Variants in SBF2 observed in about 807,000 individuals in gnomAD.
SBF2 encodes the protein SET binding factor 2, also known as myotubularin-related protein 13.
Under a neutral mutation model 225.2 loss-of-function variants are expected in SBF2, and 112 were observed. That is an observed-to-expected ratio of 0.50 (90% CI 0.43 to 0.58). The LOEUF (loss-of-function observed/expected upper bound fraction) is 0.58. Ranked by LOEUF, SBF2 falls within the 20% of genes least tolerant of loss-of-function variation. The pLI, the probability that SBF2 is intolerant of heterozygous loss-of-function variation, is 0.00. For missense variants in SBF2, 1,996 were observed against 2,206.2 expected, an observed-to-expected ratio of 0.90 and a Z score of 1.91; for synonymous variants, 763 against 773.3, an observed-to-expected ratio of 0.99 and a Z score of 0.22.
intron 30 of SBF2, 38 bp downstream of exon 30, chr11:9,812,494 C>CT (rs886514347): frequency 6.2e-7 from 1 of 1,610,746 alleles, no homozygotes; most frequent in African/African-American, 1.3e-5. Context: ...GCCTCTGTTT[C>CT]TTTGAGTTAT....
At chr11:10,182,672 G>T (rs1956782154) in intron 2 of SBF2, among the ~76,000 whole-genome samples, 1 of 152,048 alleles carries the variant, frequency 6.6e-6, no homozygotes, top group Admixed American at 6.6e-5. Flanking sequence ...TCCCACCTCA[G>T]CCTCCCAAGT....
At chr11:10,105,673 C>T (rs1204613699) in intron 2 of SBF2, among the ~76,000 whole-genome samples, 1 of 152,182 alleles carries the variant, frequency 6.6e-6, no homozygotes, top group Non-Finnish European at 1.5e-5. Context: ...ATGTCAAACA[C>T]TTGCTCTCTT....
intron 9 of SBF2, among the ~76,000 whole-genome samples, chr11:9,997,553 C>A (rs995331764): frequency 2.0e-5 from 3 of 152,198 alleles, no homozygotes; most frequent in African/African-American, 7.2e-5. Flanking sequence ...CCAAAGCGGG[C>A]AGATCACGAG....
chr11:10,078,165 T>C (rs1042871031), intron 2 of SBF2, among the ~76,000 whole-genome samples: 2 of 152,094 alleles, frequency 1.3e-5, no homozygotes, highest in Admixed American at 6.5e-5. Context: ...TATGGAGAAA[T>C]AGAAACGCTT....
At chr11:10,204,240 C>CAA (rs200904886) in intron 1 of SBF2, among the ~76,000 whole-genome samples, 16 of 90,978 alleles carry the variant, frequency 1.8e-4, no homozygotes, top group African/African-American at 4.7e-4. Flanking sequence ...ATACTGAAAG[C>CAA]AAAAAAAAAA....
At chr11:9,791,841 G>A (rs181925768) in intron 33 of SBF2, among the ~76,000 whole-genome samples, 61 of 152,340 alleles carry the variant, frequency 4.0e-4, no homozygotes, top group African/African-American at 1.2e-3. Flanking sequence ...TAGACAGAAA[G>A]AGAATGAGCT....
chr11:10,298,615 G>A (rs61889847), upstream of SBF2, among the ~76,000 whole-genome samples: 15,186 of 152,176 alleles, frequency 0.1, 912 homozygotes, highest in Non-Finnish European at 0.11. Context: ...TCTTCAGATC[G>A]TCTCTACCAA....
In SBF2 at chr11:10,209,180, C is replaced by T. The variant is rs534117808; in HGVS notation, c.56-15193G>A. Among the ~76,000 whole-genome samples, 19 of 152,222 alleles carry T rather than the reference C, an allele frequency of 1.2e-4. No homozygotes were observed. The South Asian group carries it at 3.7e-3, about 30-fold the overall frequency. The stretch of plus-strand genomic sequence containing the variant: ...GGAGAAGTTACAAAAATCCTTAGTT[C>T]TCCAGCAACCTGTGCCTTCAAAATC... On this transcript the variant is annotated intron_variant, in intron 1 of 39. Coordinates refer to ENST00000256190, the MANE Select transcript of SBF2 (RefSeq NM_030962.4).
intron 2 of SBF2, among the ~76,000 whole-genome samples, chr11:10,163,401 G>T (rs1955833900): frequency 6.6e-6 from 1 of 152,142 alleles, no homozygotes; most frequent in African/African-American, 2.4e-5. Flanking sequence ...TCCTAGAACT[G>T]CTCCTAATGA....
intron 2 of SBF2, among the ~76,000 whole-genome samples, chr11:10,175,578 C>T (rs1956427513): frequency 6.6e-6 from 1 of 151,454 alleles, no homozygotes; most frequent in African/African-American, 2.4e-5. Context: ...CTTTAACACC[C>T]CACTGTCAAC....
At chr11:10,149,181 C>G (rs1955040733) in intron 2 of SBF2, 1 of 152,398 alleles carries the variant, frequency 6.6e-6, no homozygotes, top group African/African-American at 2.4e-5. Flanking sequence ...AATGTCTCAT[C>G]TCTCTGTTAA....
At chr11:10,046,963 A>G (rs12803421) in intron 2 of SBF2, among the ~76,000 whole-genome samples, 1 of 152,008 alleles carries the variant, frequency 6.6e-6, no homozygotes, top group Non-Finnish European at 1.5e-5. Context: ...ACAAAAATCA[A>G]CCACTTTTCC....
chr11:10,228,471 C>G (rs1342538323), intron 1 of SBF2, among the ~76,000 whole-genome samples: 1 of 152,148 alleles, frequency 6.6e-6, no homozygotes, highest in African/African-American at 2.4e-5. Flanking sequence ...TCATAGATAG[C>G]TCTTATTATT....
At chr11:10,223,540 C>G (rs1024881598) in intron 1 of SBF2, among the ~76,000 whole-genome samples, 1 of 150,274 alleles carries the variant, frequency 6.7e-6, no homozygotes, top group Non-Finnish European at 1.5e-5. Context: ...TTTATCAATA[C>G]TGAAAGTTTA....
At chr11:10,273,186 T>C (rs964576356) in intron 1 of SBF2, among the ~76,000 whole-genome samples, 2 of 152,234 alleles carry the variant, frequency 1.3e-5, no homozygotes, top group African/African-American at 2.4e-5. Flanking sequence ...TGATAACTAA[T>C]TATTCTGTTT....
intron 32 of SBF2, among the ~76,000 whole-genome samples, chr11:9,800,501 G>T (rs1853426374): frequency 6.6e-6 from 1 of 151,768 alleles, no homozygotes. Context: ...CCACCTCCCG[G>T]GTTCATGCCA....
At chr11:10,136,081 C>G (rs1954337473) in intron 2 of SBF2, among the ~76,000 whole-genome samples, 1 of 152,156 alleles carries the variant, frequency 6.6e-6, no homozygotes, top group South Asian at 2.1e-4. Flanking sequence ...AGGCATGTCT[C>G]ACATGGCAGC....
chr11:10,125,605 TCA>T (rs994259708), intron 2 of SBF2, among the ~76,000 whole-genome samples: 25 of 152,178 alleles, frequency 1.6e-4, no homozygotes, highest in African/African-American at 5.8e-4. Context: ...TATATACCCT[TCA>T]CTCAGCATCC....
chr11:9,938,713 G>A (rs1865058780), intron 16 of SBF2, among the ~76,000 whole-genome samples: 1 of 151,870 alleles, frequency 6.6e-6, no homozygotes, highest in Admixed American at 6.6e-5. Flanking sequence ...AAATAAAACT[G>A]GATATTTCTA....
Sources: allele counts gnomAD v4.1 joint callset (sites outside exome capture counted in the v4.1 genomes callset), GRCh38; gene constraint gnomAD v4.1.1; transcripts MANE v1.5; gene names NCBI Gene and HGNC (gene_info 2026-07-23, HGNC 2026-07-21).